The following POU2F2 variants were observed in gnomAD, a reference collection of about 807,000 sequenced individuals.
POU2F2 encodes POU domain, class 2, transcription factor 2.
Under a neutral mutation model 63.5 loss-of-function variants are expected in POU2F2, and 14 were observed. The observed-to-expected ratio is 0.22, with a 90% CI of 0.15 to 0.34. The LOEUF is 0.34. POU2F2 is among the 10% of genes least tolerant of loss of function. POU2F2 has a pLI of 1.00. For synonymous variants in POU2F2, 306 were observed against 348.6 expected, an observed-to-expected ratio of 0.88 and a Z score of 1.36; for missense variants, 607 against 815.2, an observed-to-expected ratio of 0.74 and a Z score of 3.11.
intron 14 of POU2F2, 66 bp downstream of exon 14, chr19:42,091,801 T>C (rs1252650652): frequency 5.2e-6 from 8 of 1,543,554 alleles, no homozygotes; most frequent in Non-Finnish European, 6.1e-6. Context: ...GGAGCAGCAA[T>C]GGCAGGGCTC....
At chr19:42,165,298 A>T (rs900684007) in intron 1 of POU2F2, among the ~76,000 whole-genome samples, 2 of 152,212 alleles carry the variant, frequency 1.3e-5, no homozygotes, top group African/African-American at 4.8e-5. Context: ...TTCTGCTCTC[A>T]ATAGAGTGGG....
At chr19:42,168,608 C>T (rs10500285) in intron 1 of POU2F2, among the ~76,000 whole-genome samples, 13,471 of 152,266 alleles carry the variant, frequency 0.088, 821 homozygotes, top group Middle Eastern at 0.19. Flanking sequence ...ATGCTTTGTG[C>T]ACCTCATCCA....
chr19:42,173,549 G>A (rs1172702166), intron 1 of POU2F2, among the ~76,000 whole-genome samples: 2 of 150,322 alleles, frequency 1.3e-5, no homozygotes, highest in African/African-American at 4.9e-5. Context: ...GGCCACTGAC[G>A]GACTTGCTAG....
intron 5 of POU2F2, among the ~76,000 whole-genome samples, chr19:42,112,041 A>AT (rs1268313843): frequency 3.9e-5 from 6 of 152,252 alleles, no homozygotes; most frequent in African/African-American, 1.4e-4. Flanking sequence ...TATGGACTGC[A>AT]TATTACATCA....
intron 1 of POU2F2, among the ~76,000 whole-genome samples, chr19:42,194,038 A>C (rs1275294837): frequency 6.6e-6 from 1 of 152,220 alleles, no homozygotes; most frequent in East Asian, 1.9e-4. Context: ...GATTCCATTT[A>C]TATTATGTTC....
chr19:42,128,007 G>A (rs903897607), intron 1 of POU2F2, among the ~76,000 whole-genome samples: 1 of 151,970 alleles, frequency 6.6e-6, no homozygotes, highest in Non-Finnish European at 1.5e-5. Context: ...TCCTCTTTAA[G>A]GTCCAGCTCA....
At chr19:42,189,717 G>T (rs1356280165) in intron 1 of POU2F2, among the ~76,000 whole-genome samples, 4 of 152,160 alleles carry the variant, frequency 2.6e-5, no homozygotes, top group South Asian at 4.1e-4. Context: ...AGGTTTTTTT[G>T]AGTGCGGCGG....
rs116854463 is a variant in POU2F2 at position 42,162,260 on chromosome 19, C to T, written c.-69-1868G>A. Among the ~76,000 whole-genome samples, 271 of 152,242 alleles carry T rather than the reference C, an allele frequency of 1.8e-3. 2 individuals are homozygous for T. Among genetic ancestry groups the T allele is most frequent in the Non-Finnish European group, 3.0e-3 (206 of 68,016 alleles). On this transcript the variant is annotated intron_variant, in intron 1 of 6. Coordinates refer to the POU2F2 transcript ENST00000524801. This position sits in a 1 kb window ranked among gnomAD's most constrained non-coding sequence, Gnocchi z 4.1. ...ATCCCTGGCATATCTGCTTCCAACTCTCATCCCATCTCCCGGGTTCCCAAA... is the reference window on the plus strand; with the variant it reads ...ATCCCTGGCATATCTGCTTCCAACTTTCATCCCATCTCCCGGGTTCCCAAA...
chr19:42,087,162 A>T lies in POU2F2; in HGVS notation c.*4095T>A, dbSNP rs2076576760. ...GGTTTTTTTTTTTTTTTAAATGGTTAAATCTTTGGTTTGTTTCTTTTTTCT... is the reference window on the plus strand; with the variant it reads ...GGTTTTTTTTTTTTTTTAAATGGTTTAATCTTTGGTTTGTTTCTTTTTTCT... On this transcript the variant is annotated 3_prime_UTR_variant, in exon 15 of 15. Coordinates refer to ENST00000692977, the MANE Select transcript of POU2F2 (RefSeq NM_001394376.1). The T allele has an allele frequency of 3.6e-5, 5 of 137,624 alleles. No individual in the cohort carries two copies. The highest frequency in any genetic ancestry group is 7.3e-5 in the Admixed American group (1 of 13,722). 8.5% of individuals were successfully genotyped at this position (137,624 alleles called of 1,614,324 possible). A position where few individuals can be genotyped will look rare whatever the true frequency, so the allele number is the denominator to read the frequency against.
Position 42,091,292 on chromosome 19 carries a change from G to A in POU2F2, c.1840C>T (p.Pro614Ser), listed in dbSNP as rs1196096673. The A allele has an allele frequency of 6.5e-7, 1 of 1,533,796 alleles. No homozygotes were observed. Among genetic ancestry groups the A allele is most frequent in the South Asian group, 1.2e-5 (1 of 83,942 alleles). The change falls in exon 15 of 15, where the codon CCA becomes TCA. Residue 614 changes from proline (P) to serine (S), a missense_variant. Physicochemically the swap from Pro to Ser is moderately conservative, Grantham distance 74 (BLOSUM62 -1). Coordinates refer to ENST00000692977, the MANE Select transcript of POU2F2 (RefSeq NM_001394376.1). ...TTGGACCCTGCCTCGGGCCCCCCTGGACCTCCAGGGGTCTGTGCTGCCGTC... is the reference window on the plus strand; with the variant it reads ...TTGGACCCTGCCTCGGGCCCCCCTGAACCTCCAGGGGTCTGTGCTGCCGTC... ...SETAAQTPGG[P>S]GGPEAGSKPE
At chr19:42,144,168 TA>T (rs1458796363) in intron 2 of POU2F2, among the ~76,000 whole-genome samples, 1 of 152,224 alleles carries the variant, frequency 6.6e-6, no homozygotes, top group East Asian at 1.9e-4. Flanking sequence ...TTGTTTTACT[TA>T]TTTTTAATAA....
intron 5 of POU2F2, among the ~76,000 whole-genome samples, chr19:42,109,743 CA>C (rs2030771907): frequency 6.6e-6 from 1 of 152,148 alleles, no homozygotes; most frequent in Non-Finnish European, 1.5e-5. Flanking sequence ...GGGCTCAGGC[CA>C]TCCTCCCGCT....
In POU2F2 at chr19:42,096,981, G is replaced by C. The variant is rs2076944231; in HGVS notation, c.568-738C>G. ...GAAATTAAGTCCTAAGCAATGAGTAGATTGCAAATAAAGTAAAAGTTAAGA... is the reference window on the plus strand; with the variant it reads ...GAAATTAAGTCCTAAGCAATGAGTACATTGCAAATAAAGTAAAAGTTAAGA... On this transcript the variant is annotated intron_variant, in intron 7 of 14. Transcript: ENST00000692977. The surrounding 1 kb of genome is among the most constrained non-coding windows in gnomAD (Gnocchi z 4.1). Among the ~76,000 whole-genome samples, 1 of 150,360 alleles carries C rather than the reference G, an allele frequency of 6.7e-6. No homozygotes were observed. The highest frequency in any genetic ancestry group is 1.5e-5 in the Non-Finnish European group (1 of 67,738).
intron 1 of POU2F2, among the ~76,000 whole-genome samples, chr19:42,187,492 T>C (rs896280680): frequency 7.5e-6 from 1 of 132,806 alleles, no homozygotes; most frequent in East Asian, 2.2e-4. Context: ...CCAGGTGAGG[T>C]GGCTCAAGCT....
At chr19:42,130,416 G>A (rs985099820) in intron 1 of POU2F2, among the ~76,000 whole-genome samples, 7 of 152,082 alleles carry the variant, frequency 4.6e-5, no homozygotes, top group African/African-American at 1.4e-4. Context: ...CAGGCAGGGT[G>A]AGTGATCTGC....
chr19:42,125,056 C>A (rs1010299615), intron 1 of POU2F2, among the ~76,000 whole-genome samples: 3 of 152,036 alleles, frequency 2.0e-5, no homozygotes, highest in African/African-American at 7.3e-5. Flanking sequence ...TTTTAACAAG[C>A]AAGAAAACAT....
intron 1 of POU2F2, among the ~76,000 whole-genome samples, chr19:42,124,321 A>G (rs2032981994): frequency 1.4e-5 from 2 of 148,014 alleles, no homozygotes; most frequent in South Asian, 4.2e-4. Flanking sequence ...AAAAAAAAGA[A>G]AAAAAAAAAG....
At position 42,087,276 on chromosome 19, in the gene POU2F2, T is replaced by A. The variant is rs970313958; in HGVS notation, c.*3981A>T. 6.6e-6 allele frequency: 1 copy of A among 151,932 alleles called. No homozygotes were observed. Among genetic ancestry groups the A allele is most frequent in the Non-Finnish European group, 1.5e-5 (1 of 67,998 alleles). 9.4% of individuals were successfully genotyped at this position (151,932 alleles called of 1,614,324 possible). On this transcript the variant is annotated 3_prime_UTR_variant, in exon 15 of 15. Transcript: ENST00000692977. ...CTCAATCTTGCTGTCTGTCTCACTC[T>A]CTCTCTCACTCAGGTCCCCCTACCC...
intron 2 of POU2F2, among the ~76,000 whole-genome samples, chr19:42,149,843 G>T (rs1387114273): frequency 6.6e-6 from 1 of 152,154 alleles, no homozygotes; most frequent in East Asian, 1.9e-4. Context: ...CCCTGAAGGG[G>T]CTGCTCCGGG....
Sources: gnomAD v4.1 joint callset for allele counts (sites outside exome capture counted in the v4.1 genomes callset) on GRCh38, gnomAD v4.1.1 for gene constraint, Gnocchi (gnomAD v3.1) non-coding constraint, MANE v1.5 for transcripts, NCBI Gene and HGNC (gene_info 2026-07-23, HGNC 2026-07-21) for gene names.